NAV3: variants seen among roughly 807,000 people sequenced by gnomAD.
The protein encoded by NAV3 is neuron navigator 3.
Under a neutral mutation model 244.7 loss-of-function variants are expected in NAV3, and 87 were observed. The ratio of observed to expected loss-of-function variants is 0.36; its 90% CI spans 0.30 to 0.42. The LOEUF (loss-of-function observed/expected upper bound fraction) is 0.42, where lower values mean the gene tolerates loss of function less well. Ranked by LOEUF, NAV3 falls within the 20% of genes least tolerant of loss-of-function variation. The probability of loss-of-function intolerance (pLI) is 1.00; values close to 1 mark genes in which losing one functional copy is unlikely to be tolerated. For missense variants in NAV3, 2,663 were observed against 2,893.3 expected (o/e 0.92, Z 1.83); for synonymous variants, 1,126 against 1,042.2 (o/e 1.08, Z -1.55).
chr12:77,680,229 G>A (rs143490779), intron 2 of NAV3, among the ~76,000 whole-genome samples: 2 of 152,304 alleles, frequency 1.3e-5, no homozygotes, highest in East Asian at 3.9e-4. Flanking sequence ...CCTGTGGGGA[G>A]TGATGTGGGC....
At chr12:78,134,025 G>T (rs1215277965) in intron 18 of NAV3, among the ~76,000 whole-genome samples, 10 of 152,098 alleles carry the variant, frequency 6.6e-5, no homozygotes, top group Non-Finnish European at 1.3e-4. Flanking sequence ...TTTTCATCTT[G>T]CCACAAGGGT....
intron 5 of NAV3, among the ~76,000 whole-genome samples, chr12:77,971,961 G>A (rs1010821572): frequency 6.6e-6 from 1 of 151,806 alleles, no homozygotes; most frequent in Non-Finnish European, 1.5e-5. Context: ...TTGCTATTTT[G>A]AAAAAAACTC....
chr12:77,698,321 C>G (rs1250956476), intron 2 of NAV3, among the ~76,000 whole-genome samples: 1 of 152,072 alleles, frequency 6.6e-6, no homozygotes, highest in Non-Finnish European at 1.5e-5. Flanking sequence ...GCCTGCGAAT[C>G]ATTTCTCCAT....
rs537573220 is a variant in NAV3, at chr12:77,858,615, T to C, written c.243+26911T>C. Reference sequence around the variant, plus strand: ...ATTGTGGTTTTTCACACTGTGGGAATTGGACTTCCAGAACTAGGGGAGCCT... The same window carrying C: ...ATTGTGGTTTTTCACACTGTGGGAACTGGACTTCCAGAACTAGGGGAGCCT... On this transcript the variant is annotated intron_variant, in intron 1 of 39. Coordinates refer to ENST00000397909, the MANE Select transcript of NAV3 (RefSeq NM_001024383.2). 3.3e-5 allele frequency among the ~76,000 whole-genome samples: 5 copies of C among 152,190 alleles called. No individual in the cohort carries two copies. The South Asian group carries it at 6.2e-4, about 19-fold the overall frequency.
At chr12:77,635,776 T>TA (rs953291622) in intron 2 of NAV3, among the ~76,000 whole-genome samples, 6 of 152,060 alleles carry the variant, frequency 3.9e-5, no homozygotes, top group East Asian at 1.9e-4. Context: ...TTTAATCTTC[T>TA]AAAAAAAACC....
intron 3 of NAV3, among the ~76,000 whole-genome samples, chr12:77,954,021 A>T (rs1478493567): frequency 6.6e-6 from 1 of 152,146 alleles, no homozygotes; most frequent in East Asian, 1.9e-4. Context: ...CTGTAGGGAT[A>T]TCCATTCCTT....
At chr12:77,781,529 G>C (rs1195383023) in intron 2 of NAV3, among the ~76,000 whole-genome samples, 1 of 152,000 alleles carries the variant, frequency 6.6e-6, no homozygotes, top group Non-Finnish European at 1.5e-5. Context: ...GCTTTGAGTT[G>C]TCCTGCCTTT....
chr12:77,814,849 T>C (rs994395789), intron 2 of NAV3, among the ~76,000 whole-genome samples: 1 of 152,240 alleles, frequency 6.6e-6, no homozygotes, highest in African/African-American at 2.4e-5. Flanking sequence ...GGTTGGGGAC[T>C]TCAAGATCTT....
chr12:77,701,227 A>G (rs1296011841), intron 2 of NAV3, among the ~76,000 whole-genome samples: 1 of 151,884 alleles, frequency 6.6e-6, no homozygotes, highest in African/African-American at 2.4e-5. Flanking sequence ...ATTTTCTTTA[A>G]TGATACAAAG....
chr12:77,789,031 A>G (rs185175661), intron 2 of NAV3, among the ~76,000 whole-genome samples: 13 of 152,280 alleles, frequency 8.5e-5, no homozygotes, highest in Non-Finnish European at 1.8e-4. Context: ...CTACTTAGTT[A>G]ACAAAGACTC....
intron 2 of NAV3, among the ~76,000 whole-genome samples, chr12:77,683,972 G>T (rs950068957): frequency 1.3e-5 from 2 of 152,110 alleles, no homozygotes; most frequent in Non-Finnish European, 2.9e-5. Context: ...GAGTAGAATT[G>T]CTGGGTCATA....
chr12:77,673,802 T>G (rs933674799), intron 2 of NAV3, among the ~76,000 whole-genome samples: 2 of 152,208 alleles, frequency 1.3e-5, no homozygotes, highest in Non-Finnish European at 2.9e-5. Flanking sequence ...TAAGTTCTAT[T>G]GCATATCTAT....
At chr12:77,940,862 T>G (rs1428604893) in intron 2 of NAV3, among the ~76,000 whole-genome samples, 2 of 152,016 alleles carry the variant, frequency 1.3e-5, no homozygotes, top group Non-Finnish European at 2.9e-5. Flanking sequence ...AGCAGCAACT[T>G]CCTTCTCACT....
chr12:78,137,425 A>T, intron 19 of NAV3, 60 bp downstream of exon 19: 1 of 1,481,498 alleles, frequency 6.7e-7, no homozygotes, highest in Non-Finnish European at 9.0e-7. Context: ...GAGGGAAACC[A>T]TTGTGTCACT....
chr12:77,802,119 G>C lies in NAV3; in HGVS notation c.73-138200G>C, dbSNP rs550430357. On this transcript the variant is annotated intron_variant, in intron 2 of 8. Coordinates refer to the NAV3 transcript ENST00000550042. The stretch of plus-strand genomic sequence containing the variant: ...TTTAAAAGAAGCTATCTTCTAGAAG[G>C]AGCCTTTGGCCTAAAGTATTTACAT... Among the ~76,000 whole-genome samples the C allele has an allele frequency of 2.6e-5, 4 of 152,230 alleles. No homozygotes were observed. In the East Asian group the frequency reaches 5.8e-4, roughly 22 times the overall value.
chr12:78,127,763 C>A (rs1045121220), intron 17 of NAV3, among the ~76,000 whole-genome samples: 1 of 152,028 alleles, frequency 6.6e-6, no homozygotes, highest in Non-Finnish European at 1.5e-5. Context: ...TTTATAGAAT[C>A]CTTTTGATAA....
chr12:78,077,169 CT>C (rs1953093235), intron 12 of NAV3, among the ~76,000 whole-genome samples: 1 of 151,884 alleles, frequency 6.6e-6, no homozygotes, highest in African/African-American at 2.4e-5. Flanking sequence ...TTTGTTTTTA[CT>C]CCTTGATACT....
intron 2 of NAV3, among the ~76,000 whole-genome samples, chr12:77,770,340 C>G (rs547182151): frequency 3.9e-5 from 6 of 152,096 alleles, no homozygotes; most frequent in African/African-American, 7.2e-5. Context: ...GATGAACAGA[C>G]GGCTGAGTTA....
chr12:77,757,027 A>G (rs755859504), intron 2 of NAV3, among the ~76,000 whole-genome samples: 1 of 152,182 alleles, frequency 6.6e-6, no homozygotes, highest in African/African-American at 2.4e-5. Context: ...CTTGCTAGGT[A>G]TAACAGTAAC....
Sources: allele counts gnomAD v4.1 joint callset (sites outside exome capture counted in the v4.1 genomes callset), GRCh38; gene constraint gnomAD v4.1.1; transcripts MANE v1.5; gene names NCBI Gene and HGNC (gene_info 2026-07-23, HGNC 2026-07-21).